The following LMBRD1 variants were observed in gnomAD, a reference collection of about 807,000 sequenced individuals.
LMBRD1 encodes the protein lysosomal cobalamin transport escort protein LMBD1.
A neutral mutation model predicts 74.8 loss-of-function variants in LMBRD1; 64 were observed. That is an observed-to-expected ratio of 0.86 (90% CI 0.70 to 1.05). LMBRD1 has a LOEUF of 1.05. LMBRD1 is among the 50% of genes least tolerant of loss of function. The probability of loss-of-function intolerance (pLI) is 0.00; values close to 1 mark genes in which losing one functional copy is unlikely to be tolerated. For missense variants in LMBRD1, 652 were observed against 645.9 expected, an observed-to-expected ratio of 1.01 and a Z score of -0.10; for synonymous variants, 204 against 216.3, an observed-to-expected ratio of 0.94 and a Z score of 0.50.
chr6:69,695,665 C>A (rs77314632), intron 14 of LMBRD1, among the ~76,000 whole-genome samples: 3,038 of 151,794 alleles, frequency 0.02, 108 homozygotes, highest in African/African-American at 0.069. Context: ...TCTTTGTTAT[C>A]TTTTATTTTT....
At chr6:69,691,987 T>G (rs1165505899) in intron 14 of LMBRD1, among the ~76,000 whole-genome samples, 1 of 152,074 alleles carries the variant, frequency 6.6e-6, no homozygotes, top group African/African-American at 2.4e-5. Context: ...GAACTTAAAG[T>G]TCAATTACTT....
At chr6:69,778,930 G>A (rs1476565618) in intron 3 of LMBRD1, among the ~76,000 whole-genome samples, 1 of 152,168 alleles carries the variant, frequency 6.6e-6, no homozygotes, top group South Asian at 2.1e-4. Flanking sequence ...CCTCACGCCT[G>A]TAATCCCAGC....
At position 69,697,743 on chromosome 6, in the gene LMBRD1, CATCT is replaced by C. The variant is rs1230615099; in HGVS notation, c.1339-106_1339-103del. 25 of 658,050 alleles carry C rather than the reference CATCT, an allele frequency of 3.8e-5. No individual in the cohort carries two copies. The East Asian group carries it at 7.0e-4, about 18-fold the overall frequency. The allele number at this position is 658,050 out of a possible 1,614,324, so 40.8% of individuals were successfully genotyped here. On this transcript the variant is annotated intron_variant, in intron 13 of 15. Coordinates refer to ENST00000649934, the MANE Select transcript of LMBRD1 (RefSeq NM_018368.4). ...AACTGTATACTCTGTATACTAACTA[CATCT>C]ATCTAACATTCCAAAATGTAAATTT... is the stretch of plus-strand genomic sequence containing the variant.
intron 9 of LMBRD1, among the ~76,000 whole-genome samples, chr6:69,703,524 C>A (rs1766181235): frequency 6.7e-6 from 1 of 149,638 alleles, no homozygotes; most frequent in African/African-American, 2.5e-5. Context: ...GTAGAGATGA[C>A]TGACCCAGAG....
intron 3 of LMBRD1, among the ~76,000 whole-genome samples, chr6:69,776,395 C>T (rs898638032): frequency 6.6e-6 from 1 of 152,202 alleles, no homozygotes; most frequent in African/African-American, 2.4e-5. Context: ...AGCATCTAAA[C>T]TAGCACCTAA....
intron 9 of LMBRD1, chr6:69,705,247 T>A (rs1766226702): frequency 1.5e-6 from 1 of 687,296 alleles, no homozygotes; most frequent in Non-Finnish European, 2.7e-6. Context: ...AGAAATGAAG[T>A]AAGACAGAAA....
At chr6:69,725,373 ACAC>A (rs1766708066) in intron 7 of LMBRD1, among the ~76,000 whole-genome samples, 1 of 142,400 alleles carries the variant, frequency 7.0e-6, no homozygotes, top group African/African-American at 2.5e-5. Flanking sequence ...ACACACACAC[ACAC>A]AAAACACACA....
chr6:69,720,611 T>C (rs1766593697), intron 7 of LMBRD1, among the ~76,000 whole-genome samples: 1 of 152,182 alleles, frequency 6.6e-6, no homozygotes, highest in Non-Finnish European at 1.5e-5. Context: ...TTGGTATATT[T>C]GGTATATTGA....
chr6:69,783,730 C>T (rs1765887097), intron 2 of LMBRD1, among the ~76,000 whole-genome samples: 1 of 152,068 alleles, frequency 6.6e-6, no homozygotes, highest in African/African-American at 2.4e-5. Flanking sequence ...ATAATAACAA[C>T]TATCTTTTTT....
chr6:69,768,429 A>G (rs1765513381), intron 3 of LMBRD1, among the ~76,000 whole-genome samples: 1 of 151,674 alleles, frequency 6.6e-6, no homozygotes, highest in African/African-American at 2.4e-5. Flanking sequence ...ACCTTCAATT[A>G]ATATTCACAC....
At chr6:69,750,044 A>G (rs1765091844) in intron 4 of LMBRD1, among the ~76,000 whole-genome samples, 1 of 92,922 alleles carries the variant, frequency 1.1e-5, no homozygotes, top group Non-Finnish European at 1.8e-5. Flanking sequence ...ATATATACAC[A>G]TATACATACT....
At chr6:69,756,199 A>G (rs111567597) in intron 3 of LMBRD1, among the ~76,000 whole-genome samples, 1 of 152,146 alleles carries the variant, frequency 6.6e-6, no homozygotes, top group African/African-American at 2.4e-5. Context: ...CGTCTCTACT[A>G]AAAATACAAA....
chr6:69,700,868 A>C lies in LMBRD1; in HGVS notation c.1085T>G (p.Val362Gly). ...TATAAGAATATAATCAAGAGGGAAA[A>C]CCTGAAAAAAAAAGATGAAATTAAA... The part of the protein sequence containing the change: ...LNMLLPLLQT[V>G]FPLDYILITI... The change falls in exon 12 of 16, where the codon GTT becomes GGT. Residue 362 changes from valine to glycine, a missense_variant and splice_region_variant. Transcript: ENST00000649934. 5 of 1,382,984 alleles carry C rather than the reference A, an allele frequency of 3.6e-6. No homozygotes were observed. The highest frequency in any genetic ancestry group is 5.0e-6 in the Non-Finnish European group (5 of 1,008,540). The allele number at this position is 1,382,984 out of a possible 1,614,324, so 85.7% of individuals were successfully genotyped here.
intron 6 of LMBRD1, among the ~76,000 whole-genome samples, chr6:69,738,453 T>C (rs928733266): frequency 1.3e-5 from 2 of 152,198 alleles, no homozygotes; most frequent in Admixed American, 6.5e-5. Context: ...AGTTTCTTTG[T>C]TCTTAATTTT....
intron 2 of LMBRD1, among the ~76,000 whole-genome samples, chr6:69,781,763 T>C (rs1765839199): frequency 6.6e-6 from 1 of 152,152 alleles, no homozygotes; most frequent in African/African-American, 2.4e-5. Flanking sequence ...ATAACAAATT[T>C]AATAAATGGA....
chr6:69,692,820 T>C (rs1459224058), intron 14 of LMBRD1, among the ~76,000 whole-genome samples: 3 of 152,074 alleles, frequency 2.0e-5, no homozygotes, highest in Admixed American at 6.6e-5. Flanking sequence ...TAATTATTTA[T>C]TTTCCTATCC....
chr6:69,692,281 T>TCG (rs1221394804), intron 14 of LMBRD1, among the ~76,000 whole-genome samples: 9 of 62,882 alleles, frequency 1.4e-4, no homozygotes, highest in Non-Finnish European at 1.3e-4. Flanking sequence ...GCGCTCTCTC[T>TCG]CTCTCTCGCT....
intron 7 of LMBRD1, among the ~76,000 whole-genome samples, chr6:69,720,266 C>T (rs1445943918): frequency 2.6e-5 from 4 of 152,028 alleles, no homozygotes; most frequent in African/African-American, 9.7e-5. Flanking sequence ...CTCTACAGTA[C>T]GTTGTATTTA....
intron 3 of LMBRD1, among the ~76,000 whole-genome samples, chr6:69,761,622 A>G (rs1430938454): frequency 6.6e-6 from 1 of 152,222 alleles, no homozygotes; most frequent in Non-Finnish European, 1.5e-5. Flanking sequence ...CTGATTCGAT[A>G]CTTTTCCCAA....
Sources: gnomAD v4.1 joint callset for allele counts (sites outside exome capture counted in the v4.1 genomes callset) on GRCh38, gnomAD v4.1.1 for gene constraint, MANE v1.5 for transcripts, NCBI Gene and HGNC (gene_info 2026-07-23, HGNC 2026-07-21) for gene names.